FOXP2: variants seen among roughly 807,000 people sequenced by gnomAD.
The protein encoded by FOXP2 is forkhead box protein P2.
FOXP2 carries 12 observed loss-of-function variants against 115.8 expected under a neutral mutation model. The ratio of observed to expected loss-of-function variants is 0.10; its 90% CI spans 0.07 to 0.17. The LOEUF (loss-of-function observed/expected upper bound fraction) is 0.17. Ranked by LOEUF, FOXP2 falls within the 10% of genes least tolerant of loss-of-function variation. The pLI, the probability that FOXP2 is intolerant of heterozygous loss-of-function variation, is 1.00. For synonymous variants in FOXP2, 328 were observed against 297.7 expected (o/e 1.10, Z -1.05); for missense variants, 629 against 843.5 (o/e 0.75, Z 3.15).
intron 2 of FOXP2, among the ~76,000 whole-genome samples, chr7:114,375,361 TG>T (rs1792114248): frequency 6.6e-6 from 1 of 152,216 alleles, no homozygotes; most frequent in Admixed American, 6.5e-5. Context: ...TTAAAGTCCT[TG>T]TTTAGCCACT....
intron 2 of FOXP2, among the ~76,000 whole-genome samples, chr7:114,503,587 AATTT>A (rs1348370325): frequency 6.6e-6 from 1 of 150,712 alleles, no homozygotes; most frequent in African/African-American, 2.4e-5. Flanking sequence ...GTTTTAATAT[AATTT>A]ATTTTGTTGG....
chr7:114,196,847 T>C (rs2129158648), intron 1 of FOXP2, among the ~76,000 whole-genome samples: 1 of 152,264 alleles, frequency 6.6e-6, no homozygotes, highest in Non-Finnish European at 1.5e-5. Context: ...GTTTTTAAAA[T>C]AAATTTTCTT....
intron 2 of FOXP2, among the ~76,000 whole-genome samples, chr7:114,325,410 A>ATT (rs1797531634): frequency 6.6e-6 from 1 of 151,964 alleles, no homozygotes. Context: ...AAATATAAGC[A>ATT]AAAATGGCAT....
chr7:114,678,278 C>G (rs1357861496), intron 16 of FOXP2, among the ~76,000 whole-genome samples: 1 of 152,092 alleles, frequency 6.6e-6, no homozygotes, highest in Non-Finnish European at 1.5e-5. Flanking sequence ...ATGACTAAAA[C>G]ATGGGTTTCA....
chr7:114,410,325 C>T (rs765730766), upstream of FOXP2, among the ~76,000 whole-genome samples: 2 of 151,976 alleles, frequency 1.3e-5, no homozygotes, highest in South Asian at 2.1e-4. Context: ...GTACTCTGTA[C>T]GTAGAAGATA....
At chr7:114,389,579 G>A (rs1268814323) in intron 2 of FOXP2, among the ~76,000 whole-genome samples, 4 of 152,042 alleles carry the variant, frequency 2.6e-5, no homozygotes, top group Admixed American at 2.6e-4. Flanking sequence ...CTTGAGAAAG[G>A]GCATATGAAG....
At chr7:114,579,631 A>C (rs904009187) in intron 3 of FOXP2, among the ~76,000 whole-genome samples, 7 of 152,108 alleles carry the variant, frequency 4.6e-5, no homozygotes, top group Non-Finnish European at 8.8e-5. Context: ...TGCAAGCCCG[A>C]ACTCAGTTAC....
intron 2 of FOXP2, among the ~76,000 whole-genome samples, chr7:114,320,487 T>C (rs1294340164): frequency 1.3e-5 from 2 of 152,238 alleles, no homozygotes; most frequent in East Asian, 1.9e-4. Context: ...CATGTCACTA[T>C]ATTGTAACTT....
At chr7:114,513,309 T>C (rs1351704478) in intron 2 of FOXP2, among the ~76,000 whole-genome samples, 1 of 152,168 alleles carries the variant, frequency 6.6e-6, no homozygotes, top group Non-Finnish European at 1.5e-5. Context: ...TTCCATGCTT[T>C]GTGTAATGCA....
rs1794248288 is a variant in FOXP2 at position 114,434,437 on chromosome 7, ATG to A, written c.168+7759_168+7760del. Among the ~76,000 whole-genome samples, 4 of 36,046 alleles carry A rather than the reference ATG, an allele frequency of 1.1e-4. No individual in the cohort carries two copies. The South Asian group carries it at 7.8e-3, about 70-fold the overall frequency. 23.6% of individuals were successfully genotyped at this position (36,046 alleles called of 152,430 possible). Reference sequence around the variant, plus strand: ...TTTCTGACCTCACGGTTTAATATATATGGGGGGGGGGGATAAGGTACAGCAAT... The same window carrying A: ...TTTCTGACCTCACGGTTTAATATATAGGGGGGGGGGATAAGGTACAGCAAT... On this transcript the variant is annotated intron_variant, in intron 2 of 16. Transcript: ENST00000350908.
At chr7:114,464,261 A>C (rs978812303) in intron 2 of FOXP2, among the ~76,000 whole-genome samples, 1 of 152,150 alleles carries the variant, frequency 6.6e-6, no homozygotes, top group Non-Finnish European at 1.5e-5. Flanking sequence ...AGAGAAAAAG[A>C]GACAGAGAAA....
intron 1 of FOXP2, among the ~76,000 whole-genome samples, chr7:114,229,245 A>G (rs1794813912): frequency 6.6e-6 from 1 of 151,170 alleles, no homozygotes; most frequent in Non-Finnish European, 1.5e-5. Context: ...TTAATATCCA[A>G]TGTTAGAGCA....
In FOXP2 at chr7:114,691,082, A is replaced by G. The variant is rs1226232163; in HGVS notation, c.*1156A>G. 6.6e-6 allele frequency: 3 copies of G among 454,006 alleles called. No homozygotes were observed. Among genetic ancestry groups the G allele is most frequent in the Non-Finnish European group, 1.3e-5 (3 of 226,778 alleles). 28.1% of individuals were successfully genotyped at this position (454,006 alleles called of 1,614,324 possible). On this transcript the variant is annotated 3_prime_UTR_variant, in exon 17 of 17. Coordinates refer to ENST00000350908, the MANE Select transcript of FOXP2 (RefSeq NM_014491.4). ...TGCTAGAAAGCAACAAATGTGGATC[A>G]CTGACCAAAACGATTATGTACTTGA...
chr7:114,583,277 G>T (rs188960140), intron 3 of FOXP2, among the ~76,000 whole-genome samples: 4 of 151,734 alleles, frequency 2.6e-5, no homozygotes, highest in Non-Finnish European at 5.9e-5. Context: ...TACTTGGGTG[G>T]CCGAGGCAGG....
At chr7:114,535,852 A>AATCGGTTC (rs1799365044) in intron 3 of FOXP2, among the ~76,000 whole-genome samples, 1 of 151,650 alleles carries the variant, frequency 6.6e-6, no homozygotes, top group Non-Finnish European at 1.5e-5. Flanking sequence ...ATGACTGGAA[A>AATCGGTTC]TGAAAGTTTT....
intron 2 of FOXP2, chr7:114,499,249 A>C: frequency 4.0e-6 from 1 of 248,112 alleles, no homozygotes; most frequent in Non-Finnish European, 7.7e-6. Context: ...CAGGATACAC[A>C]CTTCATTAAA....
chr7:114,547,206 A>G (rs1451520666), intron 3 of FOXP2, among the ~76,000 whole-genome samples: 1 of 145,838 alleles, frequency 6.9e-6, no homozygotes, highest in Non-Finnish European at 1.5e-5. Context: ...AGCATATAAC[A>G]TACTTTTTTT....
intron 1 of FOXP2, among the ~76,000 whole-genome samples, chr7:114,192,602 T>TA (rs1408836120): frequency 6.6e-6 from 1 of 152,184 alleles, no homozygotes; most frequent in African/African-American, 2.4e-5. Flanking sequence ...TTTGTATATT[T>TA]AAAAAAATCT....
chr7:114,362,147 T>C (rs1470829159), intron 2 of FOXP2, among the ~76,000 whole-genome samples: 1 of 151,832 alleles, frequency 6.6e-6, no homozygotes, highest in Admixed American at 6.6e-5. Flanking sequence ...GAACTTACAG[T>C]TAAAGGTTAA....
Sources: allele counts gnomAD v4.1 joint callset (sites outside exome capture counted in the v4.1 genomes callset), GRCh38; gene constraint gnomAD v4.1.1; transcripts MANE v1.5; gene names NCBI Gene and HGNC (gene_info 2026-07-23, HGNC 2026-07-21).